The following GHR variants were observed in gnomAD, a reference collection of about 807,000 sequenced individuals.
GHR encodes the protein growth hormone receptor.
GHR carries 35 observed loss-of-function variants against 67.1 expected under a neutral mutation model. That is an observed-to-expected ratio of 0.52 (90% CI 0.40 to 0.69). The LOEUF is 0.69. Ranked by LOEUF, GHR falls within the 30% of genes least tolerant of loss-of-function variation. The pLI, the probability that GHR is intolerant of heterozygous loss-of-function variation, is 0.00. For synonymous variants in GHR, 272 were observed against 269.1 expected, an observed-to-expected ratio of 1.01 and a Z score of -0.10; for missense variants, 792 against 764.6, an observed-to-expected ratio of 1.04 and a Z score of -0.42.
At chr5:42,553,484 C>A (rs1025667967) in intron 1 of GHR, among the ~76,000 whole-genome samples, 2 of 152,194 alleles carry the variant, frequency 1.3e-5, no homozygotes, top group African/African-American at 4.8e-5. Flanking sequence ...TATGTACCCT[C>A]TTCCAGCAAC....
intron 1 of GHR, among the ~76,000 whole-genome samples, chr5:42,428,221 C>T (rs1742938444): frequency 6.6e-6 from 1 of 152,220 alleles, no homozygotes; most frequent in Admixed American, 6.5e-5. Flanking sequence ...TGTGCACCTG[C>T]AGGACCAACA....
chr5:42,660,810 G>A (rs542459953), intron 3 of GHR, among the ~76,000 whole-genome samples: 27 of 152,282 alleles, frequency 1.8e-4, no homozygotes, highest in Admixed American at 2.6e-4. Flanking sequence ...AAATTACTCC[G>A]AGCTACAGGA....
chr5:42,554,197 C>T (rs1457831684), intron 1 of GHR, among the ~76,000 whole-genome samples: 1 of 152,238 alleles, frequency 6.6e-6, no homozygotes, highest in East Asian at 1.9e-4. Flanking sequence ...TTAAGTTCTG[C>T]AAGTGATTCT....
chr5:42,548,479 A>C, intron 1 of GHR: 1 of 985,190 alleles, frequency 1.0e-6, no homozygotes, highest in African/African-American at 1.7e-5. Flanking sequence ...AGCCTGGAGG[A>C]AACAATACGA....
intron 3 of GHR, among the ~76,000 whole-genome samples, chr5:42,658,878 T>C (rs1242707883): frequency 6.6e-6 from 1 of 152,192 alleles, no homozygotes; most frequent in Non-Finnish European, 1.5e-5. Flanking sequence ...CTGACCTAAA[T>C]TTGTTTTATA....
chr5:42,594,315 T>A (rs1410391275), intron 2 of GHR, among the ~76,000 whole-genome samples: 1 of 152,212 alleles, frequency 6.6e-6, no homozygotes, highest in Non-Finnish European at 1.5e-5. Context: ...TACTTGTAGG[T>A]GACATGGATT....
chr5:42,562,537 A>G (rs1192774550), intron 1 of GHR, among the ~76,000 whole-genome samples: 1 of 152,094 alleles, frequency 6.6e-6, no homozygotes, highest in Non-Finnish European at 1.5e-5. Flanking sequence ...AGAGTATGCA[A>G]ACAGATTTCT....
chr5:42,629,170 A>G lies in GHR; in HGVS notation c.136+67A>G, dbSNP rs1753838698. 4 of 850,356 alleles carry G rather than the reference A, an allele frequency of 4.7e-6. 1 individual carries two copies. The highest frequency in any genetic ancestry group is 7.7e-6 in the Non-Finnish European group (4 of 519,148). 52.7% of individuals were successfully genotyped at this position (850,356 alleles called of 1,614,324 possible). ...CATGTTTTAGTGTAATTAAGCTACT[A>G]TCCTTTCTCTATTTTATTTGGGATG... On this transcript the variant is annotated intron_variant, in intron 3 of 9. Transcript: ENST00000230882.
At chr5:42,517,113 C>T (rs969568678) in intron 1 of GHR, among the ~76,000 whole-genome samples, 20 of 152,176 alleles carry the variant, frequency 1.3e-4, no homozygotes, top group African/African-American at 4.8e-4. Context: ...TATTTTAAAA[C>T]TCCTCTTCTC....
At chr5:42,464,455 A>G (rs141007614) in intron 1 of GHR, among the ~76,000 whole-genome samples, 2 of 152,208 alleles carry the variant, frequency 1.3e-5, no homozygotes, top group Non-Finnish European at 2.9e-5. Context: ...GCACGGTGTG[A>G]ATGAGCTCTC....
intron 1 of GHR, among the ~76,000 whole-genome samples, chr5:42,428,289 G>A (rs928657974): frequency 6.6e-5 from 10 of 152,170 alleles, no homozygotes; most frequent in African/African-American, 2.4e-4. Context: ...GGCCTGAGCT[G>A]TACCTTGGCC....
Position 42,699,817 on chromosome 5 carries a change from T to C in GHR, c.440-7T>C, listed in dbSNP as rs371700718. 6.3e-5 allele frequency: 100 copies of C among 1,594,934 alleles called. No homozygotes were observed. Among genetic ancestry groups the C allele is most frequent in the Non-Finnish European group, 8.4e-5 (98 of 1,162,698 alleles). On this transcript the variant is annotated splice_polypyrimidine_tract_variant and splice_region_variant and intron_variant, in intron 5 of 9. Coordinates refer to ENST00000230882, the MANE Select transcript of GHR (RefSeq NM_000163.5). ...TCTGTGTACTAATGCTCTGTTGAATTGCACAGTGCAACCAGATCCACCCAT... is the reference window on the plus strand; with the variant it reads ...TCTGTGTACTAATGCTCTGTTGAATCGCACAGTGCAACCAGATCCACCCAT...
intron 8 of GHR, among the ~76,000 whole-genome samples, chr5:42,717,453 C>A (rs1481203135): frequency 6.6e-6 from 1 of 152,050 alleles, no homozygotes; most frequent in African/African-American, 2.4e-5. Flanking sequence ...TATATATAAA[C>A]CCATACTGAT....
intron 3 of GHR, among the ~76,000 whole-genome samples, chr5:42,660,263 T>A (rs1229134859): frequency 6.6e-6 from 1 of 152,136 alleles, no homozygotes; most frequent in African/African-American, 2.4e-5. Context: ...GCAGTGGTTC[T>A]CCCAGCATGC....
intron 1 of GHR, among the ~76,000 whole-genome samples, chr5:42,484,203 A>C (rs1051302565): frequency 6.6e-6 from 1 of 152,222 alleles, no homozygotes; most frequent in African/African-American, 2.4e-5. Flanking sequence ...ATGGATTGAC[A>C]TGTGACTTCT....
intron 3 of GHR, among the ~76,000 whole-genome samples, chr5:42,650,591 A>ATATG (rs1254426050): frequency 4.8e-5 from 7 of 146,856 alleles, no homozygotes; most frequent in Non-Finnish European, 9.0e-5. Context: ...ATATATATAT[A>ATATG]TATATATATA....
At chr5:42,655,269 C>A (rs772880083) in intron 3 of GHR, among the ~76,000 whole-genome samples, 10 of 152,098 alleles carry the variant, frequency 6.6e-5, no homozygotes, top group Admixed American at 5.2e-4. Flanking sequence ...ATTTTTCACA[C>A]CTTTGTGCTT....
chr5:42,605,247 G>A (rs1752574161), intron 2 of GHR, among the ~76,000 whole-genome samples: 1 of 151,814 alleles, frequency 6.6e-6, no homozygotes, highest in Admixed American at 6.6e-5. Flanking sequence ...GGGATTACAG[G>A]CATGCACCAA....
At chr5:42,440,044 C>T (rs1379240244) in intron 1 of GHR, among the ~76,000 whole-genome samples, 1 of 152,102 alleles carries the variant, frequency 6.6e-6, no homozygotes, top group African/African-American at 2.4e-5. Flanking sequence ...TGTGAAAATT[C>T]ATCATTACTC....
Sources: allele counts gnomAD v4.1 joint callset (sites outside exome capture counted in the v4.1 genomes callset), GRCh38; gene constraint gnomAD v4.1.1; transcripts MANE v1.5; gene names NCBI Gene and HGNC (gene_info 2026-07-23, HGNC 2026-07-21).